FARS2: variants seen among roughly 807,000 people sequenced by gnomAD.
The protein encoded by FARS2 is phenylalanine--tRNA ligase, mitochondrial.
A neutral mutation model predicts 46.4 loss-of-function variants in FARS2; 40 were observed. That is an observed-to-expected ratio of 0.86 (90% CI 0.67 to 1.12). The LOEUF is 1.12. Among genes scored for constraint, FARS2 ranks in the 50% most tolerant of loss-of-function variants. The pLI is 0.00. For missense variants in FARS2, 513 were observed against 567.9 expected (o/e 0.90, Z 0.98); for synonymous variants, 234 against 214.9 (o/e 1.09, Z -0.78).
At chr6:5,579,488 G>C (rs1045662064) in intron 5 of FARS2, among the ~76,000 whole-genome samples, 1 of 152,094 alleles carries the variant, frequency 6.6e-6, no homozygotes, top group East Asian at 1.9e-4. Context: ...TGGCCAGGCT[G>C]GTCTCGAACT....
At chr6:5,406,443 C>A (rs1432466054) in intron 3 of FARS2, among the ~76,000 whole-genome samples, 6 of 152,202 alleles carry the variant, frequency 3.9e-5, no homozygotes, top group African/African-American at 1.4e-4. Flanking sequence ...TCTGCCCTTA[C>A]CACATCTCAC....
chr6:5,298,818 G>C (rs558345120), intron 1 of FARS2, among the ~76,000 whole-genome samples: 1 of 147,688 alleles, frequency 6.8e-6, no homozygotes, highest in Non-Finnish European at 1.5e-5. Flanking sequence ...AGCCGAGATC[G>C]TGCCACCGCA....
At chr6:5,425,491 G>C (rs1762796318) in intron 3 of FARS2, among the ~76,000 whole-genome samples, 1 of 152,082 alleles carries the variant, frequency 6.6e-6, no homozygotes, top group South Asian at 2.1e-4. Flanking sequence ...GCCCTTCAGG[G>C]ATTGGTGGGA....
chr6:5,698,307 C>T (rs1204942363), intron 6 of FARS2, among the ~76,000 whole-genome samples: 2 of 152,070 alleles, frequency 1.3e-5, no homozygotes, highest in Non-Finnish European at 1.5e-5. Context: ...GCTGCAGGCA[C>T]GTCACATGGC....
intron 6 of FARS2, among the ~76,000 whole-genome samples, chr6:5,685,899 T>A (rs1229193887): frequency 6.6e-6 from 1 of 151,896 alleles, no homozygotes; most frequent in Admixed American, 6.5e-5. Context: ...AAGACTGTAA[T>A]TTTTAAATGA....
At chr6:5,286,886 A>C (rs1465806688) in intron 1 of FARS2, among the ~76,000 whole-genome samples, 3 of 152,236 alleles carry the variant, frequency 2.0e-5, no homozygotes, top group Non-Finnish European at 4.4e-5. Flanking sequence ...AATCTTTCTG[A>C]GAGTGAGAAA....
At chr6:5,427,533 C>G (rs6912109) in intron 3 of FARS2, among the ~76,000 whole-genome samples, 73,632 of 151,994 alleles carry the variant, frequency 0.48, 18,080 homozygotes, top group Non-Finnish European at 0.52. Context: ...CAGAGGATCT[C>G]AGGGGGTAAA....
intron 1 of FARS2, among the ~76,000 whole-genome samples, chr6:5,265,382 G>A (rs542622110): frequency 5.9e-5 from 9 of 152,300 alleles, no homozygotes; most frequent in African/African-American, 2.2e-4. Flanking sequence ...GTTTAGCCCT[G>A]TACTAGCTTT....
intron 4 of FARS2, among the ~76,000 whole-genome samples, chr6:5,531,713 T>C (rs1029320496): frequency 6.6e-6 from 1 of 152,140 alleles, no homozygotes; most frequent in African/African-American, 2.4e-5. Flanking sequence ...AGATTGATCT[T>C]TGGGCAGAGC....
chr6:5,660,252 A>C (rs762183774), intron 6 of FARS2, among the ~76,000 whole-genome samples: 3 of 152,238 alleles, frequency 2.0e-5, no homozygotes, highest in African/African-American at 7.2e-5. Flanking sequence ...CTCAAAGAGC[A>C]ATAGTCTAGA....
intron 1 of FARS2, among the ~76,000 whole-genome samples, chr6:5,341,242 T>A (rs1269294809): frequency 1.6e-5 from 1 of 62,410 alleles, no homozygotes; most frequent in Non-Finnish European, 3.0e-5. Context: ...TATATTTTTT[T>A]TTTTTTTTTT....
intron 6 of FARS2, among the ~76,000 whole-genome samples, chr6:5,620,966 G>C (rs981807328): frequency 6.6e-6 from 1 of 152,236 alleles, no homozygotes; most frequent in Non-Finnish European, 1.5e-5. Context: ...TGCTGATTTA[G>C]GCACCACCAC....
intron 1 of FARS2, among the ~76,000 whole-genome samples, chr6:5,360,735 A>G (rs181090617): frequency 6.6e-6 from 1 of 152,332 alleles, no homozygotes; most frequent in Admixed American, 6.5e-5. Context: ...ATGAACTTTA[A>G]AAAATTTTAT....
rs1180107524 is a variant in FARS2 at position 5,283,374 on chromosome 6, C to CAAAA, written c.-22+21732_-22+21735dup. 3.8e-4 allele frequency among the ~76,000 whole-genome samples: 21 copies of CAAAA among 55,022 alleles called. 1 individual carries two copies. Among genetic ancestry groups the CAAAA allele is most frequent in the South Asian group, 2.3e-3 (3 of 1,316 alleles). 36.1% of individuals were successfully genotyped at this position (55,022 alleles called of 152,430 possible). A position where few individuals can be genotyped will look rare whatever the true frequency, so the allele number is the denominator to read the frequency against. ...TGCAACAAAAGTGAAACTCCTGTCT[C>CAAAA]AAAAAAAAAAAAAAAAAAAAACAAA... On this transcript the variant is annotated intron_variant, in intron 1 of 6. Coordinates refer to ENST00000274680, the MANE Select transcript of FARS2 (RefSeq NM_006567.5).
At chr6:5,659,494 C>T (rs141578621) in intron 6 of FARS2, among the ~76,000 whole-genome samples, 300 of 152,314 alleles carry the variant, frequency 2.0e-3, no homozygotes, top group Middle Eastern at 6.8e-3. Flanking sequence ...ATTGCTTGCT[C>T]CCCTGTACTG....
At chr6:5,429,631 C>A (rs1763048918) in intron 3 of FARS2, among the ~76,000 whole-genome samples, 1 of 152,162 alleles carries the variant, frequency 6.6e-6, no homozygotes, top group East Asian at 1.9e-4. Context: ...CACAGCGAGA[C>A]CTCATCTCTA....
chr6:5,502,448 C>G, intron 4 of FARS2, among the ~76,000 whole-genome samples: 1 of 151,944 alleles, frequency 6.6e-6, no homozygotes, highest in East Asian at 1.9e-4. Context: ...TACTCTCTCC[C>G]CAAAAGCACC....
chr6:5,435,592 T>C (rs1763475264), intron 4 of FARS2, among the ~76,000 whole-genome samples: 1 of 152,206 alleles, frequency 6.6e-6, no homozygotes, highest in Non-Finnish European at 1.5e-5. Flanking sequence ...TTGGTTGTTT[T>C]TTCCTTAGGG....
chr6:5,342,754 GAAAA>G (rs1192128961), intron 1 of FARS2, among the ~76,000 whole-genome samples: 2 of 104,130 alleles, frequency 1.9e-5, no homozygotes, highest in Non-Finnish European at 4.2e-5. Context: ...CTCTGTCTAA[GAAAA>G]AAAAAAAAAA....
Sources: allele counts gnomAD v4.1 joint callset (sites outside exome capture counted in the v4.1 genomes callset), GRCh38; gene constraint gnomAD v4.1.1; transcripts MANE v1.5; gene names NCBI Gene and HGNC (gene_info 2026-07-23, HGNC 2026-07-21).